The following RSF1 variants were observed in gnomAD, a reference collection of about 807,000 sequenced individuals.
RSF1 encodes HBV pX-associated protein 8.
Under a neutral mutation model 145.2 loss-of-function variants are expected in RSF1, and 13 were observed. That is an observed-to-expected ratio of 0.09 (90% confidence interval 0.06 to 0.14). The LOEUF (loss-of-function observed/expected upper bound fraction) is 0.14. RSF1 is among the 10% of genes least tolerant of loss of function. The probability of loss-of-function intolerance (pLI) is 1.00; values close to 1 mark genes in which losing one functional copy is unlikely to be tolerated. For synonymous variants in RSF1, 577 were observed against 592.6 expected (o/e 0.97, Z 0.38); for missense variants, 1,517 against 1,718.2 (o/e 0.88, Z 2.07).
chr11:77,744,101 T>C (rs746142247), intron 3 of RSF1, among the ~76,000 whole-genome samples: 16 of 152,180 alleles, frequency 1.1e-4, no homozygotes, highest in Non-Finnish European at 2.4e-4. Flanking sequence ...TGGTCACAGC[T>C]CACTGCAACC....
At chr11:77,863,363 G>A in the RSF1 span, among the ~76,000 whole-genome samples, 2 of 152,130 alleles carry the variant, frequency 1.3e-5, no homozygotes, top group Admixed American at 1.3e-4. Flanking sequence ...AGTGGTGGAC[G>A]GTGAGCGAAA....
chr11:77,673,051 C>A (rs1959598907), intron 14 of RSF1, among the ~76,000 whole-genome samples: 1 of 152,220 alleles, frequency 6.6e-6, no homozygotes, highest in East Asian at 1.9e-4. Context: ...GTCAGGTACA[C>A]AGCTGCCATG....
chr11:77,833,541 C>T, the RSF1 span, among the ~76,000 whole-genome samples: 2 of 152,184 alleles, frequency 1.3e-5, no homozygotes, highest in Admixed American at 6.5e-5. Flanking sequence ...CAAAGTATCG[C>T]TCACTCACCT....
chr11:77,742,038 T>C (rs909684325), intron 3 of RSF1, among the ~76,000 whole-genome samples: 11 of 152,362 alleles, frequency 7.2e-5, no homozygotes, highest in Admixed American at 3.3e-4. Context: ...TCATTTTACA[T>C]TCTTCTGTTG....
intron 14 of RSF1, among the ~76,000 whole-genome samples, chr11:77,673,028 C>T (rs1458147193): frequency 5.9e-5 from 9 of 152,156 alleles, no homozygotes; most frequent in Non-Finnish European, 1.5e-5. Context: ...TGCAGTCGAC[C>T]TACAGCTACC....
At chr11:77,771,372 C>T (rs561700451) in intron 1 of RSF1, among the ~76,000 whole-genome samples, 3 of 152,264 alleles carry the variant, frequency 2.0e-5, no homozygotes, top group African/African-American at 7.2e-5. Context: ...AAACAGCCAA[C>T]TAAGCCAAGG....
the RSF1 span, among the ~76,000 whole-genome samples, chr11:77,828,330 T>C: frequency 2.4e-4 from 37 of 151,522 alleles, no homozygotes; most frequent in East Asian, 3.1e-3. Flanking sequence ...CCATTTACAA[T>C]AGAATCAGAA....
chr11:77,706,880 C>T (rs1368769025), intron 5 of RSF1, among the ~76,000 whole-genome samples: 1 of 152,094 alleles, frequency 6.6e-6, no homozygotes, highest in African/African-American at 2.4e-5. Context: ...GCACAATCTC[C>T]TGGGTTGCCA....
intron 11 of RSF1, among the ~76,000 whole-genome samples, chr11:77,679,299 A>G (rs975409267): frequency 1.3e-5 from 2 of 152,284 alleles, no homozygotes; most frequent in African/African-American, 4.8e-5. Flanking sequence ...CCCACAGGCC[A>G]TAATTTGCCA....
chr11:77,816,895 T>C (rs1156778992), intron 1 of RSF1, among the ~76,000 whole-genome samples: 1 of 152,228 alleles, frequency 6.6e-6, no homozygotes, highest in Non-Finnish European at 1.5e-5. Context: ...ATAACTAGTA[T>C]CAACTATAAA....
At chr11:77,755,181 T>C (rs765889341) in intron 2 of RSF1, among the ~76,000 whole-genome samples, 2 of 152,118 alleles carry the variant, frequency 1.3e-5, no homozygotes, top group African/African-American at 2.4e-5. Flanking sequence ...GGCTGCTATG[T>C]AGAAAATGGA....
intron 2 of RSF1, among the ~76,000 whole-genome samples, chr11:77,761,828 A>ACTT (rs370490355): frequency 1.7e-5 from 2 of 119,542 alleles, no homozygotes; most frequent in African/African-American, 6.6e-5. Context: ...CCATTCGGTG[A>ACTT]TTTTTTTTTT....
rs1235564967 is a variant in RSF1 at position 77,677,001 on chromosome 11, T to C, written c.3134-2A>G. 3 of 1,596,228 alleles carry C rather than the reference T, an allele frequency of 1.9e-6. No homozygotes were observed. ...AGATATCTTTTCCTCGGCCAACTCC[T>C]GAATTTGGGGGAGGGAAGTTCGGGG... On this transcript the variant is annotated splice_acceptor_variant, in intron 12 of 15. Coordinates refer to ENST00000308488, the MANE Select transcript of RSF1 (RefSeq NM_016578.4). LOFTEE classifies it high-confidence loss of function.
intron 1 of RSF1, among the ~76,000 whole-genome samples, chr11:77,799,912 T>C (rs1948610228): frequency 6.6e-6 from 1 of 152,084 alleles, no homozygotes; most frequent in South Asian, 2.1e-4. Context: ...CTGGATGAAA[T>C]TATCAACTTC....
the RSF1 span, among the ~76,000 whole-genome samples, chr11:77,869,366 G>A: frequency 7.0e-6 from 1 of 142,990 alleles, no homozygotes; most frequent in African/African-American, 2.6e-5. Flanking sequence ...AGGATGGAGT[G>A]CAGTGGTGCA....
chr11:77,791,452 C>T (rs1948516341), intron 1 of RSF1, among the ~76,000 whole-genome samples: 1 of 152,170 alleles, frequency 6.6e-6, no homozygotes, highest in Non-Finnish European at 1.5e-5. Flanking sequence ...ACATTTGGCC[C>T]CTCCTTACTT....
chr11:77,846,790 G>A, the RSF1 span, among the ~76,000 whole-genome samples: 1 of 152,270 alleles, frequency 6.6e-6, no homozygotes, highest in Non-Finnish European at 1.5e-5. Flanking sequence ...GTCTGAAAAG[G>A]TCCTTGTTTT....
At chr11:77,681,856 G>A (rs1449132680) in intron 11 of RSF1, among the ~76,000 whole-genome samples, 2 of 152,080 alleles carry the variant, frequency 1.3e-5, no homozygotes, top group Non-Finnish European at 2.9e-5. Flanking sequence ...AGTATAAAAC[G>A]CCATAGTTAA....
At chr11:77,788,161 A>AAAAAAAAAAAAAAAAAAAAC in intron 1 of RSF1, among the ~76,000 whole-genome samples, 1 of 137,500 alleles carries the variant, frequency 7.3e-6, no homozygotes, top group Non-Finnish European at 1.6e-5. Flanking sequence ...AAAAAAAAAA[A>AAAAAAAAAAAAAAAAAAAAC]AAAAAAAAAA....
Sources: gnomAD v4.1 joint callset for allele counts (sites outside exome capture counted in the v4.1 genomes callset) on GRCh38, gnomAD v4.1.1 for gene constraint, MANE v1.5 for transcripts, NCBI Gene and HGNC (gene_info 2026-07-23, HGNC 2026-07-21) for gene names.